SP140: variants seen among roughly 807,000 people sequenced by gnomAD.
SP140 encodes the protein nuclear body protein SP140.
In SP140, 81 loss-of-function variants were observed where a neutral mutation model predicts 125.0. That is an observed-to-expected ratio of 0.65 (90% confidence interval 0.54 to 0.78). The LOEUF (loss-of-function observed/expected upper bound fraction) is 0.78, where lower values mean the gene tolerates loss of function less well. Ranked by LOEUF, SP140 falls within the 30% of genes least tolerant of loss-of-function variation. The pLI is 0.00. For missense variants in SP140, 858 were observed against 1,037.0 expected, an observed-to-expected ratio of 0.83 and a Z score of 2.37; for synonymous variants, 312 against 354.0, an observed-to-expected ratio of 0.88 and a Z score of 1.33.
At chr2:230,209,477 G>C (rs889578225) in intron 1 of SP140, among the ~76,000 whole-genome samples, 2 of 152,220 alleles carry the variant, frequency 1.3e-5, no homozygotes, top group African/African-American at 4.8e-5. Flanking sequence ...AAGACTCAAA[G>C]GAGAGGATCA....
At chr2:230,302,117 C>A (rs2058332286) in intron 22 of SP140, among the ~76,000 whole-genome samples, 1 of 151,666 alleles carries the variant, frequency 6.6e-6, no homozygotes, top group Non-Finnish European at 1.5e-5. Context: ...GTGGAGTTCC[C>A]AAATTTACAA....
chr2:230,259,163 T>C (rs1419695594), intron 12 of SP140, among the ~76,000 whole-genome samples: 2 of 152,128 alleles, frequency 1.3e-5, no homozygotes, highest in Admixed American at 6.5e-5. Flanking sequence ...GTAAGTTCTT[T>C]AGTGGTGATT....
intron 3 of SP140, chr2:230,215,083 T>C (rs755884586): frequency 6.2e-7 from 1 of 1,613,916 alleles, no homozygotes. Flanking sequence ...CCACTCTGGA[T>C]ACAGGGATCA....
upstream of SP140, chr2:230,202,785 A>G: frequency 6.4e-7 from 1 of 1,560,626 alleles, no homozygotes; most frequent in Non-Finnish European, 8.8e-7. Flanking sequence ...TGAGCCTCCT[A>G]CAGTCCCAAT....
intron 15 of SP140, among the ~76,000 whole-genome samples, chr2:230,274,155 G>T (rs543489350): frequency 6.6e-6 from 1 of 151,784 alleles, no homozygotes; most frequent in East Asian, 1.9e-4. Context: ...GGAAAGATCT[G>T]TAGGGAAGCT....
At chr2:230,236,037 C>T (rs965670302) in intron 1 of SP140, among the ~76,000 whole-genome samples, 11 of 151,978 alleles carry the variant, frequency 7.2e-5, no homozygotes, top group Admixed American at 5.2e-4. Context: ...CCACCATGCC[C>T]GGCTAATTTT....
At chr2:230,297,486 A>G in intron 22 of SP140, 24 bp downstream of exon 22, 1 of 1,612,102 alleles carries the variant, frequency 6.2e-7, no homozygotes, top group Non-Finnish European at 8.5e-7. Context: ...CTGAACTACG[A>G]CCCCCAGAAT....
At chr2:230,241,314 G>A (rs1480140150) in intron 3 of SP140, 90 bp from the exon 4 acceptor site, 1 of 805,500 alleles carries the variant, frequency 1.2e-6, no homozygotes, top group Non-Finnish European at 2.2e-6. Context: ...GGAGATCCTG[G>A]GGCTTGGACA....
In SP140 at chr2:230,218,839, A is replaced by G. The variant is rs115954224; in HGVS notation, c.-91+4765A>G. On this transcript the variant is annotated intron_variant, in intron 3 of 4. Coordinates refer to the SP140 transcript ENST00000456542. ...CAAAAGACAAACATCCAACTAGAAA[A>G]TAAAAAAGCAAAATACATGAACAGA... 2.8e-3 allele frequency among the ~76,000 whole-genome samples: 426 copies of G among 152,368 alleles called. 2 individuals carry two copies. Among genetic ancestry groups the G allele is most frequent in the African/African-American group, 9.8e-3 (409 of 41,586 alleles).
intron 7 of SP140, among the ~76,000 whole-genome samples, chr2:230,246,985 C>G (rs977321082): frequency 3.9e-5 from 6 of 152,130 alleles, no homozygotes; most frequent in African/African-American, 1.4e-4. Flanking sequence ...GGAAGATTCA[C>G]TAGACAGAAA....
rs1352400207 is a variant in SP140 at position 230,211,687 on chromosome 2, A to G, written c.-322-1967A>G. On this transcript the variant is annotated intron_variant, in intron 1 of 4. Transcript: ENST00000456542. This position sits in a 1 kb window ranked among gnomAD's most constrained non-coding sequence, Gnocchi z 4.2. ...CAACCAAGGCCTGGGAAAGGATGGC[A>G]TAGAGTGGGAAAGTAAGCAACCATT... is the stretch of plus-strand genomic sequence containing the variant. 4.3e-6 allele frequency: 3 copies of G among 690,918 alleles called. No individual in the cohort carries two copies. Among genetic ancestry groups the G allele is most frequent in the East Asian group, 5.3e-5 (2 of 37,530 alleles). The allele number at this position is 690,918 out of a possible 1,614,324, so 42.8% of individuals were successfully genotyped here.
intron 1 of SP140, among the ~76,000 whole-genome samples, chr2:230,204,461 C>A (rs942911156): frequency 3.3e-5 from 5 of 151,790 alleles, no homozygotes; most frequent in Non-Finnish European, 7.4e-5. Context: ...GGAAATTTCC[C>A]TCCAATAACC....
chr2:230,307,925 G>T (rs1297822496), intron 22 of SP140, among the ~76,000 whole-genome samples: 5 of 124,644 alleles, frequency 4.0e-5, no homozygotes, highest in Non-Finnish European at 8.4e-5. Flanking sequence ...TGGAAAAAAA[G>T]TTATATGAAA....
Position 230,312,846 on chromosome 2 carries a change from A to G in SP140, c.*162A>G, listed in dbSNP as rs1408314045. 7 of 567,012 alleles carry G rather than the reference A, an allele frequency of 1.2e-5. No homozygotes were observed. The highest frequency in any genetic ancestry group is 1.0e-4 in the Admixed American group (3 of 29,516). 35.1% of individuals were successfully genotyped at this position (567,012 alleles called of 1,614,324 possible). On this transcript the variant is annotated 3_prime_UTR_variant, in exon 27 of 27. Coordinates refer to ENST00000392045, the MANE Select transcript of SP140 (RefSeq NM_007237.5). ...CCCAAAGACAAATCCTCAAAAGGAA[A>G]TTCAATCATCATGAATCACAACCCC... is the stretch of plus-strand genomic sequence containing the variant.
intron 20 of SP140, 96 bp from the exon 21 acceptor site, chr2:230,294,175 C>A: frequency 1.1e-6 from 1 of 934,580 alleles, no homozygotes; most frequent in Non-Finnish European, 1.7e-6. Flanking sequence ...GGCAGTGGAA[C>A]ACTCAGGTAG....
rs536051183 is a variant in SP140 at position 230,244,888 on chromosome 2, T to A, written c.572-100T>A. The A allele has an allele frequency of 6.2e-6, 5 of 800,586 alleles. No homozygotes were observed. The Admixed American group carries it at 9.3e-5, about 15-fold the overall frequency. 49.6% of individuals were successfully genotyped at this position (800,586 alleles called of 1,614,324 possible). A position where few individuals can be genotyped will look rare whatever the true frequency, so the allele number is the denominator to read the frequency against. ...AGGCGAGGTCCTTGGAGCAATAGTG[T>A]TTTTTTGCAAGGAGAAGCTCACTTG... On this transcript the variant is annotated intron_variant, in intron 5 of 26. Transcript: ENST00000392045.
intron 12 of SP140, among the ~76,000 whole-genome samples, chr2:230,261,607 A>T (rs1217937474): frequency 6.6e-6 from 1 of 152,102 alleles, no homozygotes; most frequent in Non-Finnish European, 1.5e-5. Flanking sequence ...GGTGGCTTTT[A>T]TTACCTTAAG....
chr2:230,197,705 T>C, the SP140 span, among the ~76,000 whole-genome samples: 74 of 152,264 alleles, frequency 4.9e-4, 1 homozygote, highest in South Asian at 7.7e-3. Flanking sequence ...TAATCCATCT[T>C]GAATTAATTT....
At chr2:230,304,094 C>T (rs2058545012) in intron 22 of SP140, among the ~76,000 whole-genome samples, 1 of 152,166 alleles carries the variant, frequency 6.6e-6, no homozygotes, top group Non-Finnish European at 1.5e-5. Context: ...ATCAATAGCA[C>T]TGTTATATAC....
Sources: gnomAD v4.1 joint callset for allele counts (sites outside exome capture counted in the v4.1 genomes callset) on GRCh38, gnomAD v4.1.1 for gene constraint, Gnocchi (gnomAD v3.1) non-coding constraint, MANE v1.5 for transcripts, NCBI Gene and HGNC (gene_info 2026-07-23, HGNC 2026-07-21) for gene names.